The following RETNLB variants were observed in gnomAD, a reference collection of about 807,000 sequenced individuals.
RETNLB encodes resistin-like beta.
In RETNLB, 11 loss-of-function variants were observed where a neutral mutation model predicts 6.8. That is an observed-to-expected ratio of 1.62 (90% CI 1.02 to 2.68). RETNLB has a LOEUF of 2.68. Ranked by LOEUF, RETNLB falls within the 30% of genes most tolerant of loss-of-function variation. RETNLB has a pLI of 0.00. For synonymous variants in RETNLB, 57 were observed against 54.2 expected (o/e 1.05, Z -0.23); for missense variants, 146 against 135.7 (o/e 1.08, Z -0.38).
At position 108,755,884 on chromosome 3, in the gene RETNLB, G is replaced by A. The variant is rs1945246174; in HGVS notation, c.230C>T (p.Ala77Val). The change falls in exon 3 of 3, where the codon GCT becomes GTT. Residue 77 changes from alanine (A) to valine (V), a missense_variant. Coordinates refer to ENST00000295755, the MANE Select transcript of RETNLB (RefSeq NM_032579.3). ...CCACGAACCACAGCCATAGCCACAA[G>A]CACAGCCAGTGACAGCCATCCCTGC... is the stretch of plus-strand genomic sequence containing the variant. ...CPAGMAVTGC[A>V]CGYGCGSWDV... is the part of the protein sequence containing the mutation. 1.9e-6 allele frequency: 3 copies of A among 1,614,158 alleles called. No individual in the cohort carries two copies. Among genetic ancestry groups the A allele is most frequent in the African/African-American group, 2.7e-5 (2 of 75,042 alleles).
chr3:108,755,942 T>C (rs1021660822), intron 2 of RETNLB, 37 bp from the exon 3 acceptor site: 3 of 1,613,632 alleles, frequency 1.9e-6, no homozygotes, highest in African/African-American at 1.3e-5. Context: ...TCAGAGCTCT[T>C]GGAATTTAAG....
In RETNLB at chr3:108,757,134, T is replaced by C. The variant is rs1945256155; in HGVS notation, c.52A>G (p.Ile18Val). ...LLILIPLLQL[I>V]NPGSTQCSLD... ...GAACACTGAGTACTCCCCGGGTTGATCAGCTGGAGAAGGGGGATTAGGATG... is the reference window on the plus strand; with the variant it reads ...GAACACTGAGTACTCCCCGGGTTGACCAGCTGGAGAAGGGGGATTAGGATG... The change falls in exon 1 of 3, where the codon ATC (isoleucine) becomes GTC (valine). Residue 18 changes from isoleucine (I) to valine (V), a missense_variant. Physicochemically the swap from Ile to Val is conservative, Grantham distance 29. Coordinates refer to ENST00000295755, the MANE Select transcript of RETNLB (RefSeq NM_032579.3). 1.3e-6 allele frequency: 2 copies of C among 1,588,400 alleles called. No homozygotes were observed. The highest frequency in any genetic ancestry group is 1.7e-6 in the Non-Finnish European group (2 of 1,157,650).
In RETNLB at chr3:108,757,338, T is replaced by G; in HGVS notation, c.-153A>C. 1.3e-6 allele frequency: 1 copy of G among 765,872 alleles called. No homozygotes were observed. Among genetic ancestry groups the G allele is most frequent in the South Asian group, 3.3e-5 (1 of 30,350 alleles). The allele number at this position is 765,872 out of a possible 1,614,324, so 47.4% of individuals were successfully genotyped here. A position where few individuals can be genotyped will look rare whatever the true frequency, so the allele number is the denominator to read the frequency against. On this transcript the variant is annotated 5_prime_UTR_variant, in exon 1 of 3. Coordinates refer to ENST00000295755, the MANE Select transcript of RETNLB (RefSeq NM_032579.3). Reference sequence around the variant, plus strand: ...CAGCGTCATCAGTACTGGATCTCTTTAGGCAGTTTGGAGAAGCAGGTAGGG... The same window carrying G: ...CAGCGTCATCAGTACTGGATCTCTTGAGGCAGTTTGGAGAAGCAGGTAGGG...
In RETNLB at chr3:108,756,580, G is replaced by T; in HGVS notation, c.136C>A (p.Pro46Thr). Reference protein sequence around the residue: ...KDVLNSLEYSPSPISKKLSCA... With the variant: ...KDVLNSLEYSTSPISKKLSCA... ...GAGAGCTTCTTGCTTATAGGAGAGGGACTGTACTCTGAGTAGGAAAGAAGA... is the reference window on the plus strand; with the variant it reads ...GAGAGCTTCTTGCTTATAGGAGAGGTACTGTACTCTGAGTAGGAAAGAAGA... Residue 46 changes from proline (P) to threonine (T), a missense_variant, in exon 2 of 3, where the codon CCC (proline) becomes ACC (threonine). Physicochemically the swap from Pro to Thr is conservative, Grantham distance 38. Transcript: ENST00000295755. 1 of 1,609,854 alleles carries T rather than the reference G, an allele frequency of 6.2e-7. No homozygotes were observed. Among genetic ancestry groups the T allele is most frequent in the South Asian group, 1.1e-5 (1 of 91,000 alleles).
chr3:108,756,898 T>C, intron 1 of RETNLB, 161 bp downstream of exon 1: 1 of 796,124 alleles, frequency 1.3e-6, no homozygotes. Context: ...AACCTCAGCT[T>C]TTAGCCAAGA....
intron 1 of RETNLB, 60 bp from the exon 2 acceptor site, chr3:108,756,648 C>A: frequency 8.2e-7 from 1 of 1,213,326 alleles, no homozygotes; most frequent in Non-Finnish European, 1.2e-6. Flanking sequence ...ATCCCCTTAT[C>A]CCCTTCCAAA....
intron 2 of RETNLB, 110 bp from the exon 3 acceptor site, chr3:108,756,015 C>T (rs531587454): frequency 1.9e-5 from 24 of 1,232,412 alleles, no homozygotes; most frequent in African/African-American, 4.5e-5. Flanking sequence ...AGCTAGGTTT[C>T]GTGGGGCCTC....
At position 108,756,536 on chromosome 3, in the gene RETNLB, G is replaced by A. The variant is rs1363835790; in HGVS notation, c.180C>T (p.Ser60=). 1.2e-6 allele frequency: 2 copies of A among 1,613,318 alleles called. No homozygotes were observed. Among genetic ancestry groups the A allele is most frequent in the Admixed American group, 1.7e-5 (1 of 59,988 alleles). Residue 60 remains serine, a synonymous_variant, in exon 2 of 3, where the codon AGC becomes AGT. Transcript: ENST00000295755. The part of the protein sequence containing the change: ...SKKLSCASVK[S]QGRPSSCPAG... ...CAGGGCAGGAGGACGGTCTGCCTTGGCTTTTGACACTAGCACACGAGAGCT... is the reference window on the plus strand; with the variant it reads ...CAGGGCAGGAGGACGGTCTGCCTTGACTTTTGACACTAGCACACGAGAGCT...
At chr3:108,756,678 T>A in intron 1 of RETNLB, 90 bp from the exon 2 acceptor site, 1 of 915,520 alleles carries the variant, frequency 1.1e-6, no homozygotes, top group East Asian at 2.4e-5. Context: ...ACCTTGGAGG[T>A]GACACTGTGT....
At chr3:108,756,079 GAAAC>G (rs1321947903) in intron 2 of RETNLB, among the ~76,000 whole-genome samples, 174 bp from the exon 3 acceptor site, 3 of 152,306 alleles carry the variant, frequency 2.0e-5, no homozygotes, top group Non-Finnish European at 4.4e-5. Flanking sequence ...AGAAATCACA[GAAAC>G]AAATATTTGC....
chr3:108,756,754 T>C, intron 1 of RETNLB, 166 bp from the exon 2 acceptor site: 3 of 610,590 alleles, frequency 4.9e-6, no homozygotes. Context: ...AAGTAATAGT[T>C]GTCCTTACCT....
At chr3:108,757,033 C>G (rs760767557) in intron 1 of RETNLB, 26 bp downstream of exon 1, 2 of 1,606,900 alleles carry the variant, frequency 1.2e-6, no homozygotes, top group South Asian at 2.2e-5. Flanking sequence ...GGTCAACCCC[C>G]CGCTTCCCCT....
intron 1 of RETNLB, 50 bp downstream of exon 1, chr3:108,757,009 G>A (rs1205980035): frequency 1.9e-6 from 3 of 1,586,370 alleles, no homozygotes; most frequent in East Asian, 2.2e-5. Flanking sequence ...TTAAGAACAG[G>A]AGAAATGAGC....
intron 1 of RETNLB, 112 bp downstream of exon 1, chr3:108,756,947 A>G: frequency 2.4e-6 from 3 of 1,264,740 alleles, no homozygotes; most frequent in Non-Finnish European, 3.3e-6. Context: ...AGCCCTCATC[A>G]GGGGTTGGGC....
chr3:108,756,922 T>G, intron 1 of RETNLB, 137 bp downstream of exon 1: 1 of 949,966 alleles, frequency 1.1e-6, no homozygotes, highest in East Asian at 2.7e-5. Flanking sequence ...CAAACACGGG[T>G]AGGGTAGTGT....
In RETNLB at chr3:108,755,920, G is replaced by T; in HGVS notation, c.209-15C>A. On this transcript the variant is annotated splice_polypyrimidine_tract_variant and intron_variant, in intron 2 of 2. Transcript: ENST00000295755. ...GACAGCCATCCCTGCATGAGCACAT[G>T]AAGCACAGACATCAGAGCTCTTGGA... The T allele has an allele frequency of 1.2e-6, 2 of 1,614,164 alleles. No individual in the cohort carries two copies. Among genetic ancestry groups the T allele is most frequent in the Non-Finnish European group, 1.7e-6 (2 of 1,180,012 alleles).
In RETNLB at chr3:108,757,158, T is replaced by A; in HGVS notation, c.28A>T (p.Ile10Phe). 1 of 1,436,222 alleles carries A rather than the reference T, an allele frequency of 7.0e-7. No homozygotes were observed. The highest frequency in any genetic ancestry group is 9.7e-7 in the Non-Finnish European group (1 of 1,035,938). 89.0% of individuals were successfully genotyped at this position (1,436,222 alleles called of 1,614,324 possible). Residue 10 changes from isoleucine (I) to phenylalanine (F), a missense_variant, in exon 1 of 3, where the codon ATC (isoleucine) becomes TTC (phenylalanine). By Grantham distance (21) the Ile-to-Phe change is conservative. Transcript: ENST00000295755. MGPSSCLLL[I>F]LIPLLQLINP... Reference sequence around the variant, plus strand: ...ATCAGCTGGAGAAGGGGGATTAGGATGAGAAGGAGGCAAGAGGACGGCCCC... The same window carrying A: ...ATCAGCTGGAGAAGGGGGATTAGGAAGAGAAGGAGGCAAGAGGACGGCCCC...
Position 108,756,559 on chromosome 3 carries a change from G to A in RETNLB, c.157C>T (p.Leu53Phe). 1 of 1,613,316 alleles carries A rather than the reference G, an allele frequency of 6.2e-7. No individual in the cohort carries two copies. The highest frequency in any genetic ancestry group is 8.5e-7 in the Non-Finnish European group (1 of 1,179,264). The change falls in exon 2 of 3, where the codon CTC (leucine) becomes TTC (phenylalanine). Residue 53 changes from leucine (L) to phenylalanine (F), a missense_variant. Physicochemically the swap from Leu to Phe is conservative, Grantham distance 22. Coordinates refer to ENST00000295755, the MANE Select transcript of RETNLB (RefSeq NM_032579.3). Reference sequence around the variant, plus strand: ...TGGCTTTTGACACTAGCACACGAGAGCTTCTTGCTTATAGGAGAGGGACTG... The same window carrying A: ...TGGCTTTTGACACTAGCACACGAGAACTTCTTGCTTATAGGAGAGGGACTG... ...EYSPSPISKKLSCASVKSQGR... is the reference protein window; with the variant it reads ...EYSPSPISKKFSCASVKSQGR...
chr3:108,756,499 G>A lies in RETNLB; in HGVS notation c.208+9C>T. ...CGTAGTCGCCATTCCCTCTCAGGGAGTTACTCACCAGCAGGGCAGGAGGAC... is the reference window on the plus strand; with the variant it reads ...CGTAGTCGCCATTCCCTCTCAGGGAATTACTCACCAGCAGGGCAGGAGGAC... On this transcript the variant is annotated intron_variant, in intron 2 of 2. Transcript: ENST00000295755. The A allele has an allele frequency of 6.3e-7, 1 of 1,588,044 alleles. No homozygotes were observed. Among genetic ancestry groups the A allele is most frequent in the Non-Finnish European group, 8.6e-7 (1 of 1,156,250 alleles).
Sources: gnomAD v4.1 joint callset for allele counts (sites outside exome capture counted in the v4.1 genomes callset) on GRCh38, gnomAD v4.1.1 for gene constraint, MANE v1.5 for transcripts, NCBI Gene and HGNC (gene_info 2026-07-23, HGNC 2026-07-21) for gene names.